DDAH1: variants seen among roughly 807,000 people sequenced by gnomAD.
DDAH1 encodes the protein dimethylarginine dimethylaminohydrolase 1, also known as N(G),N(G)-dimethylarginine dimethylaminohydrolase 1.
DDAH1 carries 19 observed loss-of-function variants against 28.8 expected under a neutral mutation model. That is an observed-to-expected ratio of 0.66 (90% CI 0.46 to 0.97). The LOEUF (loss-of-function observed/expected upper bound fraction) is 0.97. Ranked by LOEUF, DDAH1 falls within the 50% of genes least tolerant of loss-of-function variation. The pLI, the probability that DDAH1 is intolerant of heterozygous loss-of-function variation, is 0.00. For missense variants in DDAH1, 326 were observed against 375.9 expected, an observed-to-expected ratio of 0.87 and a Z score of 1.10; for synonymous variants, 153 against 154.4, an observed-to-expected ratio of 0.99 and a Z score of 0.07.
Position 85,350,376 on chromosome 1 carries a change from C to A in DDAH1, c.597+39G>T, listed in dbSNP as rs765709347. 2.5e-6 allele frequency: 4 copies of A among 1,599,288 alleles called. No individual in the cohort carries two copies. The African/African-American group carries it at 5.4e-5, about 22-fold the overall frequency. ...AATGTGAAAAACCCTGTGGCAGGCA[C>A]CCCCACTACATTTAGAAGGAGCACA... is the stretch of plus-strand genomic sequence containing the variant. On this transcript the variant is annotated intron_variant, in intron 4 of 5. Coordinates refer to ENST00000284031, the MANE Select transcript of DDAH1 (RefSeq NM_012137.4).
At chr1:85,355,586 C>T (rs547963135) in intron 2 of DDAH1, among the ~76,000 whole-genome samples, 7 of 152,186 alleles carry the variant, frequency 4.6e-5, no homozygotes, top group African/African-American at 1.7e-4. Flanking sequence ...TAAAGAAAAT[C>T]ATATAATCAT....
intron 1 of DDAH1, among the ~76,000 whole-genome samples, chr1:85,436,467 T>G (rs890053367): frequency 2.0e-5 from 3 of 152,224 alleles, no homozygotes; most frequent in South Asian, 2.1e-4. Flanking sequence ...TTGCATATCA[T>G]TAATACGAAT....
upstream of DDAH1, chr1:85,465,290 C>T (rs966724442): frequency 1.0e-4 from 100 of 975,672 alleles, 1 homozygote; most frequent in Non-Finnish European, 1.2e-4. Context: ...CCAGCCCAGG[C>T]GGGAGTTGTA....
At chr1:85,560,475 C>T (rs12354317) in intron 1 of DDAH1, among the ~76,000 whole-genome samples, 7 of 151,790 alleles carry the variant, frequency 4.6e-5, no homozygotes, top group South Asian at 2.1e-4. Context: ...TGAAGTATGG[C>T]GTTTGTAACA....
At chr1:85,572,377 T>G (rs890303013) in intron 1 of DDAH1, among the ~76,000 whole-genome samples, 1 of 152,100 alleles carries the variant, frequency 6.6e-6, no homozygotes, top group African/African-American at 2.4e-5. Flanking sequence ...TTCCTGAACT[T>G]TAAGGCAGAT....
intron 1 of DDAH1, among the ~76,000 whole-genome samples, chr1:85,392,298 A>C (rs1296265164): frequency 6.6e-6 from 1 of 152,064 alleles, no homozygotes; most frequent in Non-Finnish European, 1.5e-5. Flanking sequence ...TATAGGTCCA[A>C]ATTTCCTCTT....
chr1:85,363,393 C>G (rs1424242701), intron 1 of DDAH1, among the ~76,000 whole-genome samples: 1 of 152,144 alleles, frequency 6.6e-6, no homozygotes, highest in South Asian at 2.1e-4. Flanking sequence ...TCACCAATGT[C>G]ACCACTATGT....
At chr1:85,460,516 T>A (rs1264965429) in intron 1 of DDAH1, among the ~76,000 whole-genome samples, 1 of 152,158 alleles carries the variant, frequency 6.6e-6, no homozygotes, top group African/African-American at 2.4e-5. Context: ...CCCCACATAC[T>A]AACACTTGGT....
intron 4 of DDAH1, among the ~76,000 whole-genome samples, chr1:85,336,806 T>C (rs990627866): frequency 5.3e-5 from 8 of 151,100 alleles, no homozygotes; most frequent in African/African-American, 1.9e-4. Context: ...GAAAAGAGAA[T>C]GGATCCAAAT....
intron 1 of DDAH1, among the ~76,000 whole-genome samples, chr1:85,440,008 A>G (rs1654119674): frequency 6.6e-6 from 1 of 152,196 alleles, no homozygotes; most frequent in South Asian, 2.1e-4. Context: ...AAAGGAACTC[A>G]GAATTCTACT....
Position 85,350,490 on chromosome 1 carries a change from C to G in DDAH1, c.522G>C (p.Leu174Phe), listed in dbSNP as rs746681193. The part of the protein sequence containing the change: ...STVPVADGLH[L>F]KSFCSMAGPN... The stretch of plus-strand genomic sequence containing the variant: ...GCCCAGCCATGCTGCAGAAACTCTT[C>G]AAATGCAACCCATCTGCCACTGGCA... The change falls in exon 4 of 6, where the codon TTG becomes TTC. Residue 174 changes from leucine (L) to phenylalanine (F), a missense_variant. Transcript: ENST00000284031. The G allele has an allele frequency of 6.2e-7, 1 of 1,614,174 alleles. No homozygotes were observed. Among genetic ancestry groups the G allele is most frequent in the Non-Finnish European group, 8.5e-7 (1 of 1,180,014 alleles).
intron 4 of DDAH1, among the ~76,000 whole-genome samples, chr1:85,337,684 C>A (rs1648226954): frequency 6.6e-6 from 1 of 152,204 alleles, no homozygotes; most frequent in Non-Finnish European, 1.5e-5. Flanking sequence ...AAACTCCTGA[C>A]CTCGTGATCC....
chr1:85,423,173 A>ACTT (rs1379784754), intron 1 of DDAH1, among the ~76,000 whole-genome samples: 5 of 152,156 alleles, frequency 3.3e-5, no homozygotes, highest in African/African-American at 1.2e-4. Flanking sequence ...GATTACCGTG[A>ACTT]CTTTATAGGA....
Position 85,323,229 on chromosome 1 carries a change from G to A in DDAH1, c.741+1511C>T, listed in dbSNP as rs558553231. ...GTATAAAATATTTTCTAATATTTGC[G>A]AAGCTTAAGACAAAAAAAAAAGATC... On this transcript the variant is annotated intron_variant, in intron 5 of 5. Transcript: ENST00000284031. Among the ~76,000 whole-genome samples the A allele has an allele frequency of 3.9e-5, 6 of 151,946 alleles. No individual in the cohort carries two copies. The South Asian group carries it at 8.3e-4, about 21-fold the overall frequency.
intron 2 of DDAH1, among the ~76,000 whole-genome samples, chr1:85,475,736 G>A (rs7512147): frequency 0.21 from 31,456 of 152,158 alleles, 3,829 homozygotes; most frequent in East Asian, 0.34. Context: ...TGGTTGGGGT[G>A]GAGTGGGAGT....
chr1:85,368,454 T>G (rs1222767048), intron 1 of DDAH1, among the ~76,000 whole-genome samples: 1 of 152,168 alleles, frequency 6.6e-6, no homozygotes, highest in East Asian at 1.9e-4. Flanking sequence ...CAAGACAGTT[T>G]CCCGGAAGAA....
chr1:85,357,426 AGCAAAGAACTG>A (rs1649547911), intron 2 of DDAH1, among the ~76,000 whole-genome samples: 1 of 152,238 alleles, frequency 6.6e-6, no homozygotes, highest in South Asian at 2.1e-4. Flanking sequence ...TGTGACACTT[AGCAAAGAACTG>A]CTTAAATGTC....
intron 1 of DDAH1, among the ~76,000 whole-genome samples, chr1:85,372,514 G>A (rs1442383612): frequency 6.6e-6 from 1 of 152,038 alleles, no homozygotes; most frequent in African/African-American, 2.4e-5. Context: ...TCTAGCTAAT[G>A]AGTTTTGCCT....
chr1:85,373,396 T>C (rs1166898217), intron 1 of DDAH1, among the ~76,000 whole-genome samples: 3 of 152,114 alleles, frequency 2.0e-5, no homozygotes, highest in Non-Finnish European at 2.9e-5. Flanking sequence ...GTCCCACATA[T>C]CAAAGGAGGG....
Sources: allele counts gnomAD v4.1 joint callset (sites outside exome capture counted in the v4.1 genomes callset), GRCh38; gene constraint gnomAD v4.1.1; transcripts MANE v1.5; gene names NCBI Gene and HGNC (gene_info 2026-07-23, HGNC 2026-07-21).